The following KIAA1217 variants were observed in gnomAD, a reference collection of about 807,000 sequenced individuals.
KIAA1217 encodes the protein sickle tail protein homolog.
In KIAA1217, 88 loss-of-function variants were observed where a neutral mutation model predicts 163.9. The ratio of observed to expected loss-of-function variants is 0.54; its 90% CI spans 0.45 to 0.64. The LOEUF is 0.64. Among genes scored for constraint, KIAA1217 ranks in the 30% least tolerant of loss-of-function variants. The pLI is 0.00. For missense variants in KIAA1217, 2,372 were observed against 2,475.0 expected, an observed-to-expected ratio of 0.96 and a Z score of 0.88; for synonymous variants, 903 against 923.1, an observed-to-expected ratio of 0.98 and a Z score of 0.39.
At chr10:24,134,918 T>C (rs2063779249) in intron 2 of KIAA1217, among the ~76,000 whole-genome samples, 1 of 152,066 alleles carries the variant, frequency 6.6e-6, no homozygotes, top group Admixed American at 6.6e-5. Flanking sequence ...AGCAGGCTGA[T>C]GTGATAGGTT....
intron 2 of KIAA1217, among the ~76,000 whole-genome samples, chr10:24,174,129 T>G (rs1416261502): frequency 6.6e-6 from 1 of 152,226 alleles, no homozygotes; most frequent in Non-Finnish European, 1.5e-5. Context: ...AGACAAGGGC[T>G]TCATTGTGCA....
intron 1 of KIAA1217, among the ~76,000 whole-genome samples, chr10:23,871,574 G>A (rs1199139567): frequency 6.6e-6 from 1 of 151,930 alleles, no homozygotes; most frequent in Non-Finnish European, 1.5e-5. Context: ...TTCTCTGAAT[G>A]CTGACTCTGT....
intron 1 of KIAA1217, among the ~76,000 whole-genome samples, chr10:23,926,003 C>T (rs1843004084): frequency 6.6e-6 from 1 of 152,156 alleles, no homozygotes; most frequent in African/African-American, 2.4e-5. Context: ...AATGCGCATA[C>T]TTACCCACAC....
intron 1 of KIAA1217, among the ~76,000 whole-genome samples, chr10:24,002,080 C>G (rs1398369054): frequency 6.6e-6 from 1 of 152,156 alleles, no homozygotes; most frequent in African/African-American, 2.4e-5. Flanking sequence ...AACCAAGAGG[C>G]AGGCAGCTGA....
intron 2 of KIAA1217, among the ~76,000 whole-genome samples, chr10:24,092,579 G>A (rs1197883370): frequency 1.3e-5 from 2 of 151,714 alleles, no homozygotes; most frequent in Non-Finnish European, 2.9e-5. Context: ...CAATGGAAAG[G>A]ACTGAACTGT....
intron 5 of KIAA1217, among the ~76,000 whole-genome samples, chr10:24,448,823 G>A (rs767109997): frequency 2.0e-5 from 3 of 152,178 alleles, no homozygotes; most frequent in Non-Finnish European, 4.4e-5. Context: ...GCCATAGTGA[G>A]TCAGATCCTT....
chr10:24,094,713 G>T (rs1020674046), intron 2 of KIAA1217, among the ~76,000 whole-genome samples: 6 of 152,182 alleles, frequency 3.9e-5, no homozygotes, highest in African/African-American at 7.2e-5. Context: ...GCAGTCTGCC[G>T]GTTCTCAGAT....
chr10:24,087,387 T>C (rs570676774), intron 2 of KIAA1217, among the ~76,000 whole-genome samples: 1 of 152,344 alleles, frequency 6.6e-6, no homozygotes, highest in African/African-American at 2.4e-5. Flanking sequence ...TCTGCAACCA[T>C]ATGTACGGTG....
intron 1 of KIAA1217, among the ~76,000 whole-genome samples, chr10:23,763,569 C>T (rs913709702): frequency 8.5e-5 from 13 of 152,132 alleles, no homozygotes; most frequent in Non-Finnish European, 1.6e-4. Context: ...AAACTGGTCC[C>T]CTTCCTTACA....
intron 2 of KIAA1217, among the ~76,000 whole-genome samples, chr10:24,100,469 C>T (rs753634480): frequency 9.2e-5 from 14 of 152,192 alleles, no homozygotes; most frequent in Non-Finnish European, 1.6e-4. Context: ...ATCAACATAA[C>T]TAACCATCAC....
intron 1 of KIAA1217, among the ~76,000 whole-genome samples, chr10:23,843,179 A>G (rs549042008): frequency 1.3e-4 from 20 of 152,162 alleles, no homozygotes; most frequent in Non-Finnish European, 2.5e-4. Context: ...TAAAATTTGT[A>G]TTATATGTGG....
At chr10:23,855,166 C>G (rs1388336855) in intron 1 of KIAA1217, among the ~76,000 whole-genome samples, 1 of 152,146 alleles carries the variant, frequency 6.6e-6, no homozygotes, top group Non-Finnish European at 1.5e-5. Flanking sequence ...TTGTTCCTTT[C>G]CATGTTTAGT....
chr10:24,204,858 A>T (rs888155304), upstream of KIAA1217, among the ~76,000 whole-genome samples: 4 of 152,200 alleles, frequency 2.6e-5, no homozygotes, highest in Admixed American at 2.6e-4. Flanking sequence ...GCCTCATACC[A>T]TAGCAGCCTG....
intron 2 of KIAA1217, among the ~76,000 whole-genome samples, chr10:24,316,978 A>G (rs921506956): frequency 3.3e-5 from 5 of 152,152 alleles, no homozygotes; most frequent in African/African-American, 1.2e-4. Context: ...GTGTTGGAAA[A>G]AATCAGGTTA....
intron 1 of KIAA1217, among the ~76,000 whole-genome samples, chr10:23,892,958 T>C (rs1164353281): frequency 6.6e-6 from 1 of 152,008 alleles, no homozygotes; most frequent in Admixed American, 6.6e-5. Flanking sequence ...TTCTCTTTTT[T>C]GGTTGTGTCT....
intron 2 of KIAA1217, among the ~76,000 whole-genome samples, chr10:24,135,979 G>A (rs1245196242): frequency 6.6e-6 from 1 of 152,138 alleles, no homozygotes; most frequent in Non-Finnish European, 1.5e-5. Context: ...TTCTTCAATA[G>A]CTACATACCT....
At chr10:23,913,404 C>T (rs1420746464) in intron 1 of KIAA1217, among the ~76,000 whole-genome samples, 1 of 134,242 alleles carries the variant, frequency 7.4e-6, no homozygotes. Flanking sequence ...TTACTAAGTG[C>T]TTTTCTGTTC....
intron 1 of KIAA1217, among the ~76,000 whole-genome samples, chr10:23,716,202 T>C (rs1288759260): frequency 6.6e-6 from 1 of 152,168 alleles, no homozygotes; most frequent in Non-Finnish European, 1.5e-5. Flanking sequence ...AAAACTATGC[T>C]TAGGGCATCT....
intron 1 of KIAA1217, among the ~76,000 whole-genome samples, chr10:23,855,081 C>T (rs1399508655): frequency 6.6e-6 from 1 of 152,074 alleles, no homozygotes; most frequent in African/African-American, 2.4e-5. Context: ...TTATTTTGCT[C>T]GTTAGTTGAT....
Sources: allele counts gnomAD v4.1 joint callset (sites outside exome capture counted in the v4.1 genomes callset), GRCh38; gene constraint gnomAD v4.1.1; transcripts MANE v1.5; gene names NCBI Gene and HGNC (gene_info 2026-07-23, HGNC 2026-07-21).